The following RAPGEF1 variants were observed in gnomAD, a reference collection of about 807,000 sequenced individuals.
RAPGEF1 encodes Rap guanine nucleotide exchange factor 1.
In RAPGEF1, 33 loss-of-function variants were observed where a neutral mutation model predicts 143.3. The observed-to-expected ratio is 0.23, with a 90% CI of 0.17 to 0.31. RAPGEF1 has a LOEUF of 0.31. RAPGEF1 is among the 10% of genes least tolerant of loss of function. RAPGEF1 has a pLI of 1.00. For synonymous variants in RAPGEF1, 629 were observed against 676.5 expected (o/e 0.93, Z 1.09); for missense variants, 1,199 against 1,645.4 (o/e 0.73, Z 4.69).
In RAPGEF1 at chr9:131,584,667, G is replaced by T; in HGVS notation, c.3234-71C>A. 1.4e-6 allele frequency: 2 copies of T among 1,475,056 alleles called. No homozygotes were observed. The highest frequency in any genetic ancestry group is 1.9e-6 in the Non-Finnish European group (2 of 1,055,406). 91.4% of individuals were successfully genotyped at this position (1,475,056 alleles called of 1,614,324 possible). A position where few individuals can be genotyped will look rare whatever the true frequency, so the allele number is the denominator to read the frequency against. On this transcript the variant is annotated intron_variant, in intron 22 of 26. Transcript: ENST00000683357. This position sits in a 1 kb window ranked among gnomAD's most constrained non-coding sequence, Gnocchi z 6.8. ...TGCAGGTCCCAGGGGTCCTGGTGGAGACAGGACCTGTACGACCCCCATGCC... is the reference window on the plus strand; with the variant it reads ...TGCAGGTCCCAGGGGTCCTGGTGGATACAGGACCTGTACGACCCCCATGCC...
chr9:131,643,336 T>C lies in RAPGEF1; in HGVS notation c.397A>G (p.Ile133Val). Reference sequence around the variant, plus strand: ...AGCATCTCCAGTACCTTCTTATCAATTGCCATTTTGTCCACAATGGTCTTA... The same window carrying C: ...AGCATCTCCAGTACCTTCTTATCAACTGCCATTTTGTCCACAATGGTCTTA... ...YFKTIVDKMA[I>V]DKKVLEMLPG... Residue 133 changes from isoleucine to valine, a missense_variant, in exon 4 of 27, where the codon ATT becomes GTT. Physicochemically the swap from Ile to Val is conservative, Grantham distance 29 (BLOSUM62 3). This residue lies in a region of RAPGEF1 where 613 missense variants were observed against 710.9 expected (regional missense o/e 0.86). Coordinates refer to ENST00000683357, the MANE Select transcript of RAPGEF1 (RefSeq NM_001377935.1). The C allele has an allele frequency of 3.7e-6, 6 of 1,613,806 alleles. No individual in the cohort carries two copies. The highest frequency in any genetic ancestry group is 5.1e-6 in the Non-Finnish European group (6 of 1,179,812).
chr9:131,638,586 A>G, intron 5 of RAPGEF1, 49 bp downstream of exon 5: 1 of 1,598,704 alleles, frequency 6.3e-7, no homozygotes, highest in Non-Finnish European at 8.6e-7. Flanking sequence ...ACCAGCAGGC[A>G]GGCTGCTCTA....
chr9:131,625,086 T>C (rs1186044050), intron 10 of RAPGEF1, among the ~76,000 whole-genome samples: 7 of 152,338 alleles, frequency 4.6e-5, no homozygotes, highest in South Asian at 4.1e-4. Flanking sequence ...TTCTAGGTCA[T>C]AGAAGTTCTC....
intron 1 of RAPGEF1, among the ~76,000 whole-genome samples, chr9:131,722,589 A>T (rs575122306): frequency 6.6e-6 from 1 of 152,234 alleles, no homozygotes; most frequent in Non-Finnish European, 1.5e-5. Flanking sequence ...AGGGACTTCC[A>T]TCGGCCCCTG....
At chr9:131,676,036 G>C (rs1363696373) in intron 1 of RAPGEF1, among the ~76,000 whole-genome samples, 5 of 152,182 alleles carry the variant, frequency 3.3e-5, no homozygotes, top group Admixed American at 6.5e-5. Context: ...CAAAGTGCTG[G>C]GATTATAGGC....
intron 15 of RAPGEF1, among the ~76,000 whole-genome samples, chr9:131,598,826 G>GC (rs1482351754): frequency 2.1e-5 from 2 of 93,734 alleles, no homozygotes; most frequent in Admixed American, 1.2e-4. Context: ...TTATTTATTT[G>GC]CTTTTTTTTT....
Position 131,621,718 on chromosome 9 carries a change from C to A in RAPGEF1, c.1905+78G>T. On this transcript the variant is annotated intron_variant, in intron 11 of 26. Transcript: ENST00000683357. The surrounding 1 kb of genome is among the most constrained non-coding windows in gnomAD (Gnocchi z 4.5). ...ACAGCAGGGAGGAGGGTTAACCCTGCCCCCAAGGAGGGTCATTCTGGTTCC... is the reference window on the plus strand; with the variant it reads ...ACAGCAGGGAGGAGGGTTAACCCTGACCCCAAGGAGGGTCATTCTGGTTCC... 4 of 1,427,242 alleles carry A rather than the reference C, an allele frequency of 2.8e-6. No homozygotes were observed. In the South Asian group the frequency reaches 4.9e-5, roughly 18 times the overall value. The allele number at this position is 1,427,242 out of a possible 1,614,324, so 88.4% of individuals were successfully genotyped here. A position where few individuals can be genotyped will look rare whatever the true frequency, so the allele number is the denominator to read the frequency against.
rs1367762891 is a variant in RAPGEF1, at chr9:131,650,534, G to A, written c.201+276C>T. On this transcript the variant is annotated intron_variant, in intron 2 of 26. Transcript: ENST00000683357. This position sits in a 1 kb window ranked among gnomAD's most constrained non-coding sequence, Gnocchi z 4.7. ...GGGCAGGGAGGCAGCAGCCTGGGGT[G>A]TGGACATGATGTGCTGAGCTGTTTT... is the stretch of plus-strand genomic sequence containing the variant. 1.3e-5 allele frequency among the ~76,000 whole-genome samples: 2 copies of A among 152,238 alleles called. No homozygotes were observed. Among genetic ancestry groups the A allele is most frequent in the African/African-American group, 4.8e-5 (2 of 41,460 alleles).
At chr9:131,646,882 A>G (rs1008789571) in intron 3 of RAPGEF1, among the ~76,000 whole-genome samples, 2 of 152,202 alleles carry the variant, frequency 1.3e-5, no homozygotes, top group Non-Finnish European at 2.9e-5. Flanking sequence ...CATTGGTTAC[A>G]ATGAGAGCAC....
intron 10 of RAPGEF1, among the ~76,000 whole-genome samples, chr9:131,622,688 A>G (rs894556944): frequency 6.6e-6 from 1 of 152,194 alleles, no homozygotes; most frequent in African/African-American, 2.4e-5. Flanking sequence ...TAAAAGATGC[A>G]CAGGAAGAAA....
At chr9:131,599,935 T>C (rs986705832) in intron 15 of RAPGEF1, among the ~76,000 whole-genome samples, 2 of 152,190 alleles carry the variant, frequency 1.3e-5, no homozygotes, top group African/African-American at 2.4e-5. Context: ...CTGGCCAACA[T>C]GGTGAAACCC....
intron 1 of RAPGEF1, among the ~76,000 whole-genome samples, chr9:131,707,081 G>A (rs1455824846): frequency 6.6e-6 from 1 of 152,226 alleles, no homozygotes; most frequent in Non-Finnish European, 1.5e-5. Flanking sequence ...CCAAACGTAA[G>A]TAAACATATT....
intron 12 of RAPGEF1, among the ~76,000 whole-genome samples, chr9:131,606,941 A>T (rs1012554594): frequency 6.6e-6 from 1 of 152,122 alleles, no homozygotes; most frequent in Non-Finnish European, 1.5e-5. Context: ...CAGTCTGGCA[A>T]AGCTACCCTT....
intron 22 of RAPGEF1, among the ~76,000 whole-genome samples, chr9:131,587,394 CAG>C (rs1953325400): frequency 6.6e-6 from 1 of 152,266 alleles, no homozygotes; most frequent in South Asian, 2.1e-4. Context: ...TTCTGTCAGG[CAG>C]AGTCAGTGTG....
chr9:131,663,385 C>T (rs1829906086), intron 1 of RAPGEF1, among the ~76,000 whole-genome samples: 1 of 152,044 alleles, frequency 6.6e-6, no homozygotes, highest in African/African-American at 2.4e-5. Context: ...CATTATCATA[C>T]CCAAGATATT....
intron 1 of RAPGEF1, among the ~76,000 whole-genome samples, chr9:131,653,516 C>A (rs934523920): frequency 3.3e-5 from 5 of 152,106 alleles, no homozygotes; most frequent in Non-Finnish European, 1.5e-5. Flanking sequence ...CAGACATTCT[C>A]CAAAGAAGAT....
At chr9:131,737,450 C>T in intron 1 of RAPGEF1, 1 of 1,613,874 alleles carries the variant, frequency 6.2e-7, no homozygotes, top group South Asian at 1.1e-5. Flanking sequence ...GCCTGGGTAG[C>T]TTAGAAACTG....
intron 25 of RAPGEF1, among the ~76,000 whole-genome samples, chr9:131,581,758 G>A (rs941820186): frequency 2.6e-5 from 4 of 152,150 alleles, no homozygotes; most frequent in African/African-American, 9.7e-5. Context: ...GCTTCTGACT[G>A]CAGAGGACTT....
At chr9:131,718,208 G>A (rs1835994272) in intron 1 of RAPGEF1, among the ~76,000 whole-genome samples, 1 of 152,208 alleles carries the variant, frequency 6.6e-6, no homozygotes, top group Admixed American at 6.5e-5. Context: ...AGGCTCTGAG[G>A]GAAAGGAACA....
Sources: gnomAD v4.1 joint callset for allele counts (sites outside exome capture counted in the v4.1 genomes callset) on GRCh38, gnomAD v4.1.1 for gene constraint, gnomAD v4.1.1 regional missense constraint, Gnocchi (gnomAD v3.1) non-coding constraint, MANE v1.5 for transcripts, NCBI Gene and HGNC (gene_info 2026-07-23, HGNC 2026-07-21) for gene names.